The following NEK5 variants were observed in gnomAD, a reference collection of about 807,000 sequenced individuals.
NEK5 encodes the protein NIMA related kinase 5.
NEK5 carries 88 observed loss-of-function variants against 109.2 expected under a neutral mutation model. That is an observed-to-expected ratio of 0.81 (90% CI 0.68 to 0.96). NEK5 has a LOEUF of 0.96. NEK5 is among the 40% of genes least tolerant of loss of function. NEK5 has a pLI of 0.00. For synonymous variants in NEK5, 283 were observed against 299.9 expected (o/e 0.94, Z 0.58); for missense variants, 834 against 920.7 (o/e 0.91, Z 1.22).
chr13:52,080,865 G>A (rs1488074320), intron 17 of NEK5, among the ~76,000 whole-genome samples: 8 of 145,364 alleles, frequency 5.5e-5, no homozygotes, highest in Admixed American at 2.1e-4. Context: ...ACCCCTCTGC[G>A]AGAAACACCC....
intron 5 of NEK5, among the ~76,000 whole-genome samples, chr13:52,110,974 T>C (rs558606157): frequency 3.9e-5 from 6 of 152,292 alleles, no homozygotes; most frequent in African/African-American, 1.4e-4. Flanking sequence ...CCATTGGTTC[T>C]TCCTTTACAG....
chr13:52,125,289 T>C (rs1956043043), intron 3 of NEK5, among the ~76,000 whole-genome samples: 1 of 152,070 alleles, frequency 6.6e-6, no homozygotes, highest in Admixed American at 6.6e-5. Flanking sequence ...GTTGGATGGG[T>C]GTGGTGGCTC....
At chr13:52,080,610 T>G (rs1369780154) in intron 17 of NEK5, among the ~76,000 whole-genome samples, 2 of 152,198 alleles carry the variant, frequency 1.3e-5, no homozygotes, top group East Asian at 3.9e-4. Flanking sequence ...CTGTGCCCTC[T>G]GAAACATGTG....
At chr13:52,063,811 G>A (rs1954637661) in intron 21 of NEK5, among the ~76,000 whole-genome samples, 3 of 151,620 alleles carry the variant, frequency 2.0e-5, no homozygotes, top group Non-Finnish European at 4.4e-5. Context: ...CGCCCCATCT[G>A]AGAAGTGAGG....
At chr13:52,064,981 C>G (rs1241562733) in intron 21 of NEK5, 6 of 269,420 alleles carry the variant, frequency 2.2e-5, no homozygotes, top group Non-Finnish European at 4.2e-5. Flanking sequence ...GACACAAACA[C>G]TGCGGAAGGC....
intron 23 of NEK5, among the ~76,000 whole-genome samples, chr13:52,040,240 T>G (rs1431490511): frequency 2.0e-5 from 3 of 151,982 alleles, no homozygotes; most frequent in Admixed American, 6.6e-5. Flanking sequence ...CCTGCCACCA[T>G]GCCCAGCTAA....
intron 7 of NEK5, among the ~76,000 whole-genome samples, chr13:52,109,199 C>A (rs1307418262): frequency 6.6e-6 from 1 of 152,106 alleles, no homozygotes. Flanking sequence ...ATAAACCCTC[C>A]CTTTGGCCAA....
rs372090014 is a variant in NEK5 at position 52,109,021 on chromosome 13, G to A, written c.468-617C>T. On this transcript the variant is annotated intron_variant, in intron 7 of 23. Transcript: ENST00000684899. ...ATTTCCCAATTATTTAGGCATTTAC[G>A]TTATTCCAAATTTCAAATTATTCCC... is the stretch of plus-strand genomic sequence containing the variant. Among the ~76,000 whole-genome samples, 145 of 152,228 alleles carry A rather than the reference G, an allele frequency of 9.5e-4. No homozygotes were observed. In the Middle Eastern group the frequency reaches 0.01, roughly 11 times the overall value.
intron 21 of NEK5, among the ~76,000 whole-genome samples, chr13:52,062,296 T>C (rs930007840): frequency 6.6e-6 from 1 of 152,200 alleles, no homozygotes. Flanking sequence ...TTACAGCACA[T>C]GTACAAATTT....
chr13:52,075,753 C>T lies in NEK5; in HGVS notation c.1722+5G>A. The T allele has an allele frequency of 1.3e-6, 2 of 1,527,832 alleles. No homozygotes were observed. The highest frequency in any genetic ancestry group is 1.8e-6 in the Non-Finnish European group (2 of 1,125,718). The allele number at this position is 1,527,832 out of a possible 1,614,324, so 94.6% of individuals were successfully genotyped here. ...ACTAATGGAAATTTAGACTTAATGG[C>T]ATACCTCTTCCTCTTGGAGGATGTT... On this transcript the variant is annotated splice_donor_5th_base_variant and intron_variant, in intron 19 of 23. Transcript: ENST00000684899.
At chr13:52,090,783 T>C (rs944857555) in intron 13 of NEK5, among the ~76,000 whole-genome samples, 1 of 152,146 alleles carries the variant, frequency 6.6e-6, no homozygotes, top group African/African-American at 2.4e-5. Flanking sequence ...GCCAGCACTT[T>C]GGGAGGCCAA....
chr13:52,055,814 G>A (rs1203132572), intron 22 of NEK5, among the ~76,000 whole-genome samples: 1 of 151,792 alleles, frequency 6.6e-6, no homozygotes, highest in African/African-American at 2.4e-5. Context: ...ACATGGAAAG[G>A]AACAACCGGT....
chr13:52,105,458 A>G (rs1037333058), intron 8 of NEK5, among the ~76,000 whole-genome samples: 1 of 152,096 alleles, frequency 6.6e-6, no homozygotes, highest in African/African-American at 2.4e-5. Flanking sequence ...AGCTCAAGCA[A>G]TACTCCCTTC....
Position 52,084,300 on chromosome 13 carries a change from A to G in NEK5, c.1480-948T>C, listed in dbSNP as rs568874100. On this transcript the variant is annotated intron_variant, in intron 16 of 23. Coordinates refer to ENST00000684899, the MANE Select transcript of NEK5 (RefSeq NM_001365552.1). ...GGCTGGAGTGCAGTGGAAAAATCAC[A>G]GTTCACAGCAGCTTCAACCTCAGCC... 5.3e-5 allele frequency among the ~76,000 whole-genome samples: 8 copies of G among 152,116 alleles called. No homozygotes were observed. The South Asian group carries it at 1.5e-3, about 28-fold the overall frequency.
In NEK5 at chr13:52,127,358, A is replaced by G; in HGVS notation, c.117+8T>C. The G allele has an allele frequency of 8.4e-7, 1 of 1,189,784 alleles. No individual in the cohort carries two copies. Among genetic ancestry groups the G allele is most frequent in the Admixed American group, 1.9e-5 (1 of 52,652 alleles). The allele number at this position is 1,189,784 out of a possible 1,614,324, so 73.7% of individuals were successfully genotyped here. A position where few individuals can be genotyped will look rare whatever the true frequency, so the allele number is the denominator to read the frequency against. On this transcript the variant is annotated splice_region_variant and intron_variant, in intron 3 of 23. Transcript: ENST00000684899. ...TGAAAATTAACAGAAATTTGAACTT[A>G]ACTTTACCTTTTCAAAATTGATCTC...
At chr13:52,067,343 C>T (rs1340635148) in intron 20 of NEK5, among the ~76,000 whole-genome samples, 1 of 152,128 alleles carries the variant, frequency 6.6e-6, no homozygotes, top group African/African-American at 2.4e-5. Context: ...GGCAGGTCCT[C>T]AGAATTCTTT....
intron 9 of NEK5, among the ~76,000 whole-genome samples, chr13:52,103,523 G>A (rs189777202): frequency 4.6e-5 from 7 of 152,346 alleles, no homozygotes; most frequent in Middle Eastern, 3.4e-3. Context: ...GGAGAAAAGA[G>A]TTGATGTAGC....
At chr13:52,073,875 A>G (rs1954821248) in intron 19 of NEK5, among the ~76,000 whole-genome samples, 1 of 152,208 alleles carries the variant, frequency 6.6e-6, no homozygotes, top group South Asian at 2.1e-4. Flanking sequence ...CCCATTTACA[A>G]TAGCCACCAA....
At chr13:52,108,502 AAC>A (rs994753257) in intron 7 of NEK5, 98 bp from the exon 8 acceptor site, 19 of 715,864 alleles carry the variant, frequency 2.7e-5, no homozygotes, top group Non-Finnish European at 4.3e-5. Flanking sequence ...GAAAATGGAT[AAC>A]ACAAGATTTG....
Sources: gnomAD v4.1 joint callset for allele counts (sites outside exome capture counted in the v4.1 genomes callset) on GRCh38, gnomAD v4.1.1 for gene constraint, MANE v1.5 for transcripts, NCBI Gene and HGNC (gene_info 2026-07-23, HGNC 2026-07-21) for gene names.